Variants in STIL observed in about 807,000 individuals in gnomAD.
The protein encoded by STIL is SCL-interrupting locus protein.
STIL carries 55 observed loss-of-function variants against 110.1 expected under a neutral mutation model. The ratio of observed to expected loss-of-function variants is 0.50; its 90% CI spans 0.40 to 0.63. The LOEUF (loss-of-function observed/expected upper bound fraction) is 0.63. STIL is among the 20% of genes least tolerant of loss of function. STIL has a pLI of 0.00. For missense variants in STIL, 1,358 were observed against 1,530.0 expected (o/e 0.89, Z 1.87); for synonymous variants, 481 against 530.0 (o/e 0.91, Z 1.27).
chr1:47,303,939 T>G (rs1353938060), intron 3 of STIL, among the ~76,000 whole-genome samples: 2 of 152,208 alleles, frequency 1.3e-5, no homozygotes, highest in African/African-American at 4.8e-5. Context: ...GTATAATAGA[T>G]GCCATTTATG....
chr1:47,264,883 A>G (rs1254702940), intron 14 of STIL, among the ~76,000 whole-genome samples: 2 of 151,408 alleles, frequency 1.3e-5, no homozygotes, highest in Non-Finnish European at 2.9e-5. Context: ...GCTCTGAAAA[A>G]GCAATTAACT....
intron 2 of STIL, among the ~76,000 whole-genome samples, chr1:47,309,456 AG>A (rs1020934802): frequency 2.7e-5 from 4 of 150,498 alleles, no homozygotes; most frequent in African/African-American, 9.7e-5. Context: ...AAGAGATGGC[AG>A]GGGGGTAGAA....
At chr1:47,293,055 G>T (rs1169100833) in intron 8 of STIL, among the ~76,000 whole-genome samples, 1 of 152,146 alleles carries the variant, frequency 6.6e-6, no homozygotes, top group Non-Finnish European at 1.5e-5. Flanking sequence ...CTTGTCTCAA[G>T]TATTTCTTTG....
intron 16 of STIL, among the ~76,000 whole-genome samples, chr1:47,256,921 G>A (rs982774984): frequency 2.6e-5 from 4 of 151,842 alleles, no homozygotes; most frequent in East Asian, 1.9e-4. Context: ...ACTTGAAGCC[G>A]GGAGGTGAAG....
Position 47,269,582 on chromosome 1 carries a change from A to G in STIL, c.2615+53T>C, listed in dbSNP as rs186748959. On this transcript the variant is annotated intron_variant, in intron 14 of 16. Coordinates refer to ENST00000371877, the MANE Select transcript of STIL (RefSeq NM_001048166.1). ...TATATACAATTATTATTTGTCTATCAAAAAAAATTTTTTTTGAAAGTAGGA... is the reference window on the plus strand; with the variant it reads ...TATATACAATTATTATTTGTCTATCGAAAAAAATTTTTTTTGAAAGTAGGA... 5.8e-3 allele frequency: 8,309 copies of G among 1,436,578 alleles called. 48 individuals carry two copies. Among genetic ancestry groups the G allele is most frequent in the Non-Finnish European group, 6.9e-3 (7,108 of 1,029,664 alleles). 89.0% of individuals were successfully genotyped at this position (1,436,578 alleles called of 1,614,324 possible). A position where few individuals can be genotyped will look rare whatever the true frequency, so the allele number is the denominator to read the frequency against.
chr1:47,272,608 C>T (rs999779139), intron 12 of STIL, among the ~76,000 whole-genome samples: 1 of 151,924 alleles, frequency 6.6e-6, no homozygotes, highest in Non-Finnish European at 1.5e-5. Context: ...CACCACCATG[C>T]CTGGTTAATT....
intron 12 of STIL, among the ~76,000 whole-genome samples, chr1:47,272,721 AAAAGC>A (rs1296761280): frequency 6.6e-6 from 1 of 152,170 alleles, no homozygotes; most frequent in Non-Finnish European, 1.5e-5. Flanking sequence ...GTATACATTT[AAAAGC>A]AATACATAAA....
At chr1:47,293,060 T>C (rs886416861) in intron 8 of STIL, among the ~76,000 whole-genome samples, 4 of 152,220 alleles carry the variant, frequency 2.6e-5, no homozygotes, top group Admixed American at 2.6e-4. Flanking sequence ...CTCAAGTATT[T>C]CTTTGTGTAT....
At chr1:47,291,726 G>T (rs751641594) in intron 8 of STIL, among the ~76,000 whole-genome samples, 2 of 151,768 alleles carry the variant, frequency 1.3e-5, no homozygotes, top group African/African-American at 4.8e-5. Context: ...CTACCACACC[G>T]GGCTAATTTT....
At chr1:47,297,836 G>C (rs1164198532) in intron 6 of STIL, among the ~76,000 whole-genome samples, 1 of 152,016 alleles carries the variant, frequency 6.6e-6, no homozygotes, top group Non-Finnish European at 1.5e-5. Context: ...TGAACATCCT[G>C]GTTATTACCA....
chr1:47,297,077 C>T (rs1485252723), intron 6 of STIL, among the ~76,000 whole-genome samples: 1 of 152,172 alleles, frequency 6.6e-6, no homozygotes, highest in Non-Finnish European at 1.5e-5. Context: ...GGCCCAGTGG[C>T]TCATGCCTGT....
intron 12 of STIL, among the ~76,000 whole-genome samples, chr1:47,272,940 C>T (rs1238864830): frequency 6.6e-6 from 1 of 152,134 alleles, no homozygotes; most frequent in African/African-American, 2.4e-5. Flanking sequence ...CCCATGTTTG[C>T]CCATGTTGAA....
At chr1:47,299,795 C>G in intron 6 of STIL, 110 bp downstream of exon 6, 1 of 1,146,394 alleles carries the variant, frequency 8.7e-7, no homozygotes, top group South Asian at 1.4e-5. Flanking sequence ...ATTAACCAAG[C>G]CACCATATCT....
At chr1:47,255,338 G>C (rs1644298415) in intron 16 of STIL, among the ~76,000 whole-genome samples, 1 of 151,992 alleles carries the variant, frequency 6.6e-6, no homozygotes, top group African/African-American at 2.4e-5. Flanking sequence ...CAATTTATGG[G>C]AAGCTCTAAA....
chr1:47,277,317 G>C (rs1282921011), intron 12 of STIL, among the ~76,000 whole-genome samples: 2 of 152,200 alleles, frequency 1.3e-5, no homozygotes, highest in Non-Finnish European at 2.9e-5. Context: ...ACAGTGATAA[G>C]AGATGAGTTT....
chr1:47,299,140 G>C (rs1197102056), intron 6 of STIL, among the ~76,000 whole-genome samples: 1 of 151,402 alleles, frequency 6.6e-6, no homozygotes, highest in African/African-American at 2.4e-5. Context: ...CTGAAGTCTG[G>C]AGTTGAAGTC....
At chr1:47,274,449 G>C (rs1291220661) in intron 12 of STIL, among the ~76,000 whole-genome samples, 4 of 148,596 alleles carry the variant, frequency 2.7e-5, no homozygotes, top group Non-Finnish European at 5.9e-5. Context: ...TCCTGCCTCA[G>C]CCTCCCGAGT....
intron 2 of STIL, among the ~76,000 whole-genome samples, chr1:47,307,907 T>C (rs1368348103): frequency 6.6e-6 from 1 of 151,974 alleles, no homozygotes; most frequent in Non-Finnish European, 1.5e-5. Context: ...ATTGCAGAGG[T>C]GAAATAAACT....
At chr1:47,306,981 A>G (rs11211510) in intron 2 of STIL, among the ~76,000 whole-genome samples, 88,497 of 151,966 alleles carry the variant, frequency 0.58, 27,950 homozygotes, top group African/African-American at 0.84. Context: ...GTGAAACCCC[A>G]TCTCCACTAG....
Sources: gnomAD v4.1 joint callset for allele counts (sites outside exome capture counted in the v4.1 genomes callset) on GRCh38, gnomAD v4.1.1 for gene constraint, MANE v1.5 for transcripts, NCBI Gene and HGNC (gene_info 2026-07-23, HGNC 2026-07-21) for gene names.